Variants in UGT1A8 observed in about 807,000 individuals in gnomAD.
UGT1A8 encodes UDP glucuronosyltransferase family 1 member A8.
In UGT1A8, 39 loss-of-function variants were observed where a neutral mutation model predicts 45.3. The ratio of observed to expected loss-of-function variants is 0.86; its 90% CI spans 0.67 to 1.12. The LOEUF is 1.12. UGT1A8 is among the 50% of genes most tolerant of loss of function. The pLI is 0.00. For synonymous variants in UGT1A8, 275 were observed against 249.2 expected, an observed-to-expected ratio of 1.10 and a Z score of -0.97; for missense variants, 719 against 664.9, an observed-to-expected ratio of 1.08 and a Z score of -0.90.
intron 1 of UGT1A8, among the ~76,000 whole-genome samples, chr2:233,665,329 C>T (rs2074051567): frequency 6.6e-6 from 1 of 152,180 alleles, no homozygotes; most frequent in Non-Finnish European, 1.5e-5. Context: ...AGTATGTAAA[C>T]ACTCTTTAAT....
chr2:233,661,936 G>A (rs1259555058), intron 1 of UGT1A8, among the ~76,000 whole-genome samples: 1 of 151,920 alleles, frequency 6.6e-6, no homozygotes, highest in Admixed American at 6.6e-5. Flanking sequence ...TGTTTACTGT[G>A]ATACACAATT....
At chr2:233,751,162 T>C (rs1694655523) in intron 1 of UGT1A8, among the ~76,000 whole-genome samples, 1 of 151,980 alleles carries the variant, frequency 6.6e-6, no homozygotes, top group South Asian at 2.1e-4. Flanking sequence ...GGCATCAGCA[T>C]GACCTAGATA....
chr2:233,630,295 T>G (rs1198440034), intron 1 of UGT1A8, among the ~76,000 whole-genome samples: 2 of 152,132 alleles, frequency 1.3e-5, no homozygotes, highest in African/African-American at 4.8e-5. Flanking sequence ...AGTTAGGGTG[T>G]CCCGAAAGGA....
intron 1 of UGT1A8, among the ~76,000 whole-genome samples, chr2:233,676,918 CT>C (rs2074375590): frequency 1.3e-5 from 2 of 152,088 alleles, no homozygotes; most frequent in Non-Finnish European, 1.5e-5. Flanking sequence ...ACTTTGTATT[CT>C]GTTCTGTTGA....
chr2:233,720,495 T>G (rs546107081), intron 1 of UGT1A8, among the ~76,000 whole-genome samples: 4 of 152,212 alleles, frequency 2.6e-5, no homozygotes, highest in Admixed American at 2.6e-4. Context: ...AGAAGGGAAG[T>G]GTTTCTCAGG....
At chr2:233,672,489 T>G (rs957048828) in intron 1 of UGT1A8, 22 of 1,613,968 alleles carry the variant, frequency 1.4e-5, no homozygotes, top group Non-Finnish European at 1.7e-5. Context: ...AGTGCCCTGC[T>G]CCTCTTTCCT....
chr2:233,737,151 C>G (rs2078845599), intron 1 of UGT1A8, among the ~76,000 whole-genome samples: 1 of 152,244 alleles, frequency 6.6e-6, no homozygotes, highest in African/African-American at 2.4e-5. Flanking sequence ...CAGATATGCC[C>G]TGCCCACAGA....
At chr2:233,661,591 T>G (rs2073963876) in intron 1 of UGT1A8, among the ~76,000 whole-genome samples, 1 of 150,708 alleles carries the variant, frequency 6.6e-6, no homozygotes, top group African/African-American at 2.4e-5. Flanking sequence ...GTTTGAAGCC[T>G]GCTGGCATCA....
At chr2:233,757,535 A>AATATATATACATATACATATACATATAT (rs376887521) in intron 1 of UGT1A8, among the ~76,000 whole-genome samples, 12 of 88,284 alleles carry the variant, frequency 1.4e-4, no homozygotes, top group Non-Finnish European at 1.5e-4. Flanking sequence ...GCCTGTAAGG[A>AATATATATACATATACATATACATATAT]ATATATATAT....
chr2:233,748,790 T>G (rs913029718), intron 1 of UGT1A8, among the ~76,000 whole-genome samples: 4 of 151,342 alleles, frequency 2.6e-5, no homozygotes, highest in African/African-American at 9.8e-5. Context: ...CTACTTGGAA[T>G]GCTGAAATTA....
intron 1 of UGT1A8, among the ~76,000 whole-genome samples, chr2:233,766,276 C>T (rs1021162182): frequency 2.0e-5 from 3 of 151,848 alleles, no homozygotes; most frequent in Non-Finnish European, 2.9e-5. Flanking sequence ...GGCTCGGTGG[C>T]CCGGGCTCGG....
intron 1 of UGT1A8, among the ~76,000 whole-genome samples, chr2:233,661,447 C>T (rs2073961410): frequency 6.6e-6 from 1 of 152,174 alleles, no homozygotes. Flanking sequence ...CTTTAACCCA[C>T]AGATGGAATC....
At chr2:233,651,296 C>T (rs1172657065) in intron 1 of UGT1A8, among the ~76,000 whole-genome samples, 1 of 152,130 alleles carries the variant, frequency 6.6e-6, no homozygotes, top group East Asian at 1.9e-4. Flanking sequence ...CTCACAGGGT[C>T]ACCCAGAGGG....
In UGT1A8 at chr2:233,618,078, G is replaced by A. The variant is rs1159738000; in HGVS notation, c.371G>A (p.Cys124Tyr). The A allele has an allele frequency of 1.2e-6, 2 of 1,613,980 alleles. No individual in the cohort carries two copies. The highest frequency in any genetic ancestry group is 4.5e-5 in the East Asian group (2 of 44,876). The change falls in exon 1 of 5, where the codon TGC becomes TAC. Residue 124 changes from cysteine to tyrosine, a missense_variant. Transcript: ENST00000373450. ...NGFFNLFFSHCRSLFNDRKLV... is the reference protein window; with the variant it reads ...NGFFNLFFSHYRSLFNDRKLV... ...TTTTTTAACTTATTTTTTTCGCATTGCAGGAGTTTGTTTAATGACCGAAAA... is the reference window on the plus strand; with the variant it reads ...TTTTTTAACTTATTTTTTTCGCATTACAGGAGTTTGTTTAATGACCGAAAA...
At chr2:233,642,981 G>C (rs1004273593) in intron 1 of UGT1A8, among the ~76,000 whole-genome samples, 1 of 152,158 alleles carries the variant, frequency 6.6e-6, no homozygotes, top group Non-Finnish European at 1.5e-5. Context: ...TCACCACTAT[G>C]ACTGTGCTGG....
rs59292838 is a variant in UGT1A8, at chr2:233,748,466, A to G, written c.856-18568A>G. On this transcript the variant is annotated intron_variant, in intron 1 of 4. Transcript: ENST00000373450. ...ACAATTTTCAGGGGAAAGATGATGC[A>G]ACAGCAAATTACAATTGTTAATGTG... is the stretch of plus-strand genomic sequence containing the variant. Among the ~76,000 whole-genome samples, 894 of 151,982 alleles carry G rather than the reference A, an allele frequency of 5.9e-3. 32 individuals carry two copies. The highest frequency in any genetic ancestry group is 0.021 in the African/African-American group (860 of 41,252).
At chr2:233,628,932 T>G (rs1386137994) in intron 1 of UGT1A8, among the ~76,000 whole-genome samples, 1 of 152,132 alleles carries the variant, frequency 6.6e-6, no homozygotes, top group African/African-American at 2.4e-5. Flanking sequence ...ATTTATAAAA[T>G]TATTTATTTA....
chr2:233,729,918 C>T (rs748265194), intron 1 of UGT1A8: 1 of 1,613,918 alleles, frequency 6.2e-7, no homozygotes, highest in African/African-American at 1.3e-5. Context: ...TTGTGATGGA[C>T]TACCCCAGGC....
intron 1 of UGT1A8, chr2:233,717,648 A>G (rs1403190472): frequency 5.0e-6 from 2 of 403,070 alleles, no homozygotes; most frequent in Non-Finnish European, 1.0e-5. Flanking sequence ...GGCGACCAGG[A>G]CAAGGAAGCA....
Sources: gnomAD v4.1 joint callset for allele counts (sites outside exome capture counted in the v4.1 genomes callset) on GRCh38, gnomAD v4.1.1 for gene constraint, MANE v1.5 for transcripts, NCBI Gene and HGNC (gene_info 2026-07-23, HGNC 2026-07-21) for gene names.